Variants in LAPTM4A observed in about 807,000 individuals in gnomAD.
LAPTM4A encodes lysosomal-associated transmembrane protein 4A.
LAPTM4A carries 19 observed loss-of-function variants against 29.9 expected under a neutral mutation model. The ratio of observed to expected loss-of-function variants is 0.64; its 90% CI spans 0.44 to 0.93. The LOEUF is 0.93. Ranked by LOEUF, LAPTM4A falls within the 40% of genes least tolerant of loss-of-function variation. LAPTM4A has a pLI of 0.00. For missense variants in LAPTM4A, 293 were observed against 288.5 expected (o/e 1.02, Z -0.11); for synonymous variants, 105 against 102.1 (o/e 1.03, Z -0.17).
chr2:20,036,016 T>G (rs997682454), intron 4 of LAPTM4A, among the ~76,000 whole-genome samples: 1 of 152,206 alleles, frequency 6.6e-6, no homozygotes, highest in Non-Finnish European at 1.5e-5. Context: ...AAAAGCTGTT[T>G]TTTTGATCTT....
chr2:20,034,250 C>A, intron 6 of LAPTM4A, 67 bp downstream of exon 6: 1 of 1,076,866 alleles, frequency 9.3e-7, no homozygotes, highest in South Asian at 1.2e-5. Flanking sequence ...AAGTCAAGCT[C>A]CAGGTTCTTC....
At chr2:20,050,864 T>C (rs1042818065) in intron 1 of LAPTM4A, among the ~76,000 whole-genome samples, 5 of 152,194 alleles carry the variant, frequency 3.3e-5, no homozygotes, top group African/African-American at 9.7e-5. Context: ...ATTCTGGAGA[T>C]GCAAGAGAGG....
intron 4 of LAPTM4A, among the ~76,000 whole-genome samples, chr2:20,036,302 CTCTTT>C (rs1031674198): frequency 2.6e-5 from 4 of 152,328 alleles, no homozygotes; most frequent in African/African-American, 9.6e-5. Context: ...CTCAAGGTCT[CTCTTT>C]TATCTGGAAC....
intron 6 of LAPTM4A, among the ~76,000 whole-genome samples, chr2:20,033,688 G>C (rs143810866): frequency 1.3e-5 from 2 of 152,230 alleles, no homozygotes; most frequent in South Asian, 2.1e-4. Context: ...ACTTTCATCA[G>C]AATCAGTTTG....
At chr2:20,046,237 A>C (rs1042613442) in intron 1 of LAPTM4A, among the ~76,000 whole-genome samples, 1 of 152,146 alleles carries the variant, frequency 6.6e-6, no homozygotes, top group East Asian at 1.9e-4. Flanking sequence ...ATTAGGAGAA[A>C]TAACTAATGT....
chr2:20,035,841 T>C (rs1316447108), intron 4 of LAPTM4A, among the ~76,000 whole-genome samples: 2 of 152,146 alleles, frequency 1.3e-5, no homozygotes, highest in African/African-American at 4.8e-5. Flanking sequence ...TTTAATTTTT[T>C]TAAGTTATGC....
At position 20,039,357 on chromosome 2, in the gene LAPTM4A, C is replaced by T. The variant is rs967912353; in HGVS notation, c.232+1534G>A. Among the ~76,000 whole-genome samples, 3 of 152,226 alleles carry T rather than the reference C, an allele frequency of 2.0e-5. No homozygotes were observed. The East Asian group carries it at 5.8e-4, about 29-fold the overall frequency. ...TAAAGGACTTCCCTGCTACAACATG[C>T]AAACTTCCACTTAGAAGAATTCAGG... On this transcript the variant is annotated intron_variant, in intron 2 of 6. Transcript: ENST00000175091.
At chr2:20,040,798 A>G (rs1294458794) in intron 2 of LAPTM4A, 93 bp downstream of exon 2, 1 of 1,179,560 alleles carries the variant, frequency 8.5e-7, no homozygotes, top group East Asian at 2.4e-5. Flanking sequence ...ACCCAGTGAC[A>G]TTTCTCAGAA....
At position 20,046,738 on chromosome 2, in the gene LAPTM4A, T is replaced by A. The variant is rs577582694; in HGVS notation, c.111+4672A>T. On this transcript the variant is annotated intron_variant, in intron 1 of 6. Transcript: ENST00000175091. Reference sequence around the variant, plus strand: ...TATTTATATATTATATATCTATATATAAATATATATTATATAAATATATAT... The same window carrying A: ...TATTTATATATTATATATCTATATAAAAATATATATTATATAAATATATAT... Among the ~76,000 whole-genome samples the A allele has an allele frequency of 2.5e-3, 363 of 145,610 alleles. 1 individual carries two copies. The highest frequency in any genetic ancestry group is 8.7e-3 in the African/African-American group (347 of 39,984).
intron 2 of LAPTM4A, among the ~76,000 whole-genome samples, chr2:20,039,991 A>C (rs944700925): frequency 6.6e-6 from 1 of 152,138 alleles, no homozygotes; most frequent in Non-Finnish European, 1.5e-5. Flanking sequence ...GGTTGCCCTG[A>C]GCCGAGATCG....
chr2:20,033,360 G>A, intron 6 of LAPTM4A, 81 bp from the exon 7 acceptor site: 2 of 1,084,130 alleles, frequency 1.8e-6, no homozygotes, highest in Non-Finnish European at 2.9e-6. Flanking sequence ...CAGACTTTAT[G>A]CCCTAAATAG....
intron 1 of LAPTM4A, among the ~76,000 whole-genome samples, chr2:20,048,631 G>T (rs1312628083): frequency 6.6e-6 from 1 of 152,198 alleles, no homozygotes; most frequent in African/African-American, 2.4e-5. Context: ...TGACACAGGG[G>T]GAATCATCAT....
chr2:20,051,326 A>AC, intron 1 of LAPTM4A, 84 bp downstream of exon 1: 10 of 760,846 alleles, frequency 1.3e-5, no homozygotes, highest in Admixed American at 2.2e-5. Flanking sequence ...CCCACCCAAC[A>AC]CCCCGTTTCC....
chr2:20,034,201 G>A (rs1372770439), intron 6 of LAPTM4A, 116 bp downstream of exon 6: 1 of 757,100 alleles, frequency 1.3e-6, no homozygotes, highest in Admixed American at 2.1e-5. Context: ...AAAGTACCCA[G>A]GGTTCATGCC....
intron 2 of LAPTM4A, among the ~76,000 whole-genome samples, chr2:20,039,541 G>A (rs971554491): frequency 6.6e-6 from 1 of 152,022 alleles, no homozygotes; most frequent in African/African-American, 2.4e-5. Context: ...GTCCCTTGAA[G>A]CCGGGAGCTC....
At chr2:20,045,643 CTTA>C (rs1457091519) in intron 1 of LAPTM4A, among the ~76,000 whole-genome samples, 2 of 152,152 alleles carry the variant, frequency 1.3e-5, no homozygotes, top group African/African-American at 4.8e-5. Context: ...GCTTCTACAT[CTTA>C]TGTAAGTGTG....
In LAPTM4A at chr2:20,033,200, T is replaced by C; in HGVS notation, c.*5A>G. ...ATAGGATTTATTGTCAAAGGCAGAA[T>C]TTCTTCAGGCAGGTAAGTAAGGAGG... On this transcript the variant is annotated 3_prime_UTR_variant, in exon 7 of 7. Transcript: ENST00000175091. The C allele has an allele frequency of 6.2e-7, 1 of 1,612,798 alleles. No individual in the cohort carries two copies. Among genetic ancestry groups the C allele is most frequent in the East Asian group, 2.2e-5 (1 of 44,850 alleles).
At chr2:20,049,580 T>C (rs565318723) in intron 1 of LAPTM4A, among the ~76,000 whole-genome samples, 215 of 152,360 alleles carry the variant, frequency 1.4e-3, no homozygotes, top group African/African-American at 5.0e-3. Context: ...TTCTATTCAT[T>C]TTCTAGCTGA....
At chr2:20,035,874 CAAG>C (rs72076923) in intron 4 of LAPTM4A, among the ~76,000 whole-genome samples, 7,979 of 151,472 alleles carry the variant, frequency 0.053, 206 homozygotes, top group Non-Finnish European at 0.073. Context: ...GAAATGTCAA[CAAG>C]AAGGCCTAAT....
Sources: gnomAD v4.1 joint callset for allele counts (sites outside exome capture counted in the v4.1 genomes callset) on GRCh38, gnomAD v4.1.1 for gene constraint, MANE v1.5 for transcripts, NCBI Gene and HGNC (gene_info 2026-07-23, HGNC 2026-07-21) for gene names.